Variants in SEMA5A observed in about 807,000 individuals in gnomAD.
SEMA5A encodes the protein semaphorin 5A.
A neutral mutation model predicts 135.5 loss-of-function variants in SEMA5A; 55 were observed. The ratio of observed to expected loss-of-function variants is 0.41; its 90% CI spans 0.33 to 0.51. The LOEUF is 0.51. SEMA5A is among the 20% of genes least tolerant of loss of function. SEMA5A has a pLI of 0.37. For missense variants in SEMA5A, 1,290 were observed against 1,419.9 expected, an observed-to-expected ratio of 0.91 and a Z score of 1.47; for synonymous variants, 580 against 546.5, an observed-to-expected ratio of 1.06 and a Z score of -0.85.
intron 3 of SEMA5A, among the ~76,000 whole-genome samples, chr5:9,345,724 T>A (rs1579382785): frequency 6.6e-6 from 1 of 152,276 alleles, no homozygotes; most frequent in East Asian, 1.9e-4. Context: ...TCTTGCAGAC[T>A]GCACTTAGTG....
rs144932049 is a variant in SEMA5A at position 9,122,766 on chromosome 5, G to T, written c.1671C>A (p.Gly557=). 5.6e-4 allele frequency: 905 copies of T among 1,613,538 alleles called. 2 individuals are homozygous for T. The African/African-American group carries it at 0.011, about 19-fold the overall frequency. The change falls in exon 14 of 23, where the codon GGC becomes GGA. Residue 557 remains glycine, a synonymous_variant. Coordinates refer to ENST00000382496, the MANE Select transcript of SEMA5A (RefSeq NM_003966.3). ...SPWTPCTHTD[G]SAVGSCLCRT... ...GACAGAGGCAGGATCCCACGGCGCTGCCATCTGTGTGCGTGCAAGGCGTCC... is the reference window on the plus strand; with the variant it reads ...GACAGAGGCAGGATCCCACGGCGCTTCCATCTGTGTGCGTGCAAGGCGTCC...
At chr5:9,180,910 A>G (rs1381366150) in intron 11 of SEMA5A, among the ~76,000 whole-genome samples, 1 of 152,226 alleles carries the variant, frequency 6.6e-6, no homozygotes, top group Admixed American at 6.5e-5. Context: ...TGTCTTTTCT[A>G]CAAGTTCATT....
chr5:9,358,363 C>T (rs1180345615), intron 3 of SEMA5A, among the ~76,000 whole-genome samples: 2 of 152,212 alleles, frequency 1.3e-5, no homozygotes, highest in Non-Finnish European at 2.9e-5. Context: ...GCTCCCTTGA[C>T]TTCCCTTTCC....
rs1256023991 is a variant in SEMA5A at position 9,432,404 on chromosome 5, C to T, written c.-78+5352G>A. On this transcript the variant is annotated intron_variant, in intron 2 of 22. Coordinates refer to ENST00000382496, the MANE Select transcript of SEMA5A (RefSeq NM_003966.3). Reference sequence around the variant, plus strand: ...AAATATCACAAAATAAAATTCCTTTCAGGAACGTGGCACCGAAAGAAACAC... The same window carrying T: ...AAATATCACAAAATAAAATTCCTTTTAGGAACGTGGCACCGAAAGAAACAC... Among the ~76,000 whole-genome samples the T allele has an allele frequency of 3.3e-5, 5 of 152,186 alleles. No homozygotes were observed. In the South Asian group the frequency reaches 6.2e-4, roughly 19 times the overall value.
intron 1 of SEMA5A, among the ~76,000 whole-genome samples, chr5:9,483,493 T>C (rs1759958298): frequency 6.6e-6 from 1 of 152,208 alleles, no homozygotes; most frequent in Non-Finnish European, 1.5e-5. Context: ...GAACAAGCTC[T>C]GCATGCATAA....
At chr5:9,392,790 G>C (rs532711439) in intron 2 of SEMA5A, among the ~76,000 whole-genome samples, 3 of 152,282 alleles carry the variant, frequency 2.0e-5, no homozygotes, top group East Asian at 3.9e-4. Flanking sequence ...CAGAAACCAA[G>C]ATAGTCATTT....
At chr5:9,395,437 T>C (rs998944582) in intron 2 of SEMA5A, among the ~76,000 whole-genome samples, 1 of 152,232 alleles carries the variant, frequency 6.6e-6, no homozygotes, top group African/African-American at 2.4e-5. Context: ...AAGTCAATGA[T>C]AGCCATTCCT....
At chr5:9,048,892 T>C (rs1319910964) in intron 21 of SEMA5A, among the ~76,000 whole-genome samples, 6 of 152,206 alleles carry the variant, frequency 3.9e-5, no homozygotes, top group Non-Finnish European at 5.9e-5. Flanking sequence ...TGTTAGCAAC[T>C]GTTAGTTAGT....
chr5:9,252,036 G>A (rs77238374), intron 5 of SEMA5A, among the ~76,000 whole-genome samples: 2,038 of 152,236 alleles, frequency 0.013, 42 homozygotes, highest in African/African-American at 0.046. Context: ...ACCCACGTGC[G>A]ATGGACTCTT....
At chr5:9,352,096 G>GGGGT (rs1554023417) in intron 3 of SEMA5A, among the ~76,000 whole-genome samples, 7 of 148,140 alleles carry the variant, frequency 4.7e-5, no homozygotes, top group East Asian at 3.9e-4. Flanking sequence ...TAACAGGTCG[G>GGGGT]GGGGGTTACT....
intron 1 of SEMA5A, among the ~76,000 whole-genome samples, chr5:9,493,278 G>C (rs977429527): frequency 5.8e-5 from 8 of 139,014 alleles, no homozygotes; most frequent in Non-Finnish European, 9.5e-5. Flanking sequence ...TATGTATGTA[G>C]CAGCATCTAT....
At chr5:9,067,338 G>A (rs1206433790) in intron 16 of SEMA5A, among the ~76,000 whole-genome samples, 1 of 152,046 alleles carries the variant, frequency 6.6e-6, no homozygotes, top group African/African-American at 2.4e-5. Context: ...AATCTGCCTG[G>A]AGCACCTACT....
At chr5:9,421,807 T>C (rs1257505187) in intron 2 of SEMA5A, among the ~76,000 whole-genome samples, 1 of 152,238 alleles carries the variant, frequency 6.6e-6, no homozygotes, top group African/African-American at 2.4e-5. Context: ...GGATTTGCTC[T>C]TATGTGAACT....
At chr5:9,249,158 T>C (rs1748640576) in intron 5 of SEMA5A, among the ~76,000 whole-genome samples, 1 of 152,196 alleles carries the variant, frequency 6.6e-6, no homozygotes, top group Non-Finnish European at 1.5e-5. Context: ...TTTGAGCTGA[T>C]TATTTTGAGA....
chr5:9,505,043 C>A (rs1256672938), intron 1 of SEMA5A, among the ~76,000 whole-genome samples: 1 of 151,812 alleles, frequency 6.6e-6, no homozygotes, highest in Admixed American at 6.6e-5. Flanking sequence ...TTCTCCTGAT[C>A]AAAAATTCCA....
chr5:9,222,395 T>G (rs1403716417), intron 8 of SEMA5A, among the ~76,000 whole-genome samples: 1 of 152,120 alleles, frequency 6.6e-6, no homozygotes, highest in East Asian at 1.9e-4. Flanking sequence ...ACACTTCATA[T>G]GCAATAACTC....
chr5:9,523,672 C>G (rs562261209), intron 1 of SEMA5A, among the ~76,000 whole-genome samples: 3 of 152,290 alleles, frequency 2.0e-5, no homozygotes, highest in Admixed American at 6.5e-5. Context: ...AGGAGGCATA[C>G]AGGCATACAA....
At chr5:9,209,133 G>A (rs867194067) in intron 8 of SEMA5A, among the ~76,000 whole-genome samples, 3 of 152,094 alleles carry the variant, frequency 2.0e-5, no homozygotes, top group African/African-American at 4.8e-5. Context: ...TCTTCACACC[G>A]CCCTACAAGT....
intron 2 of SEMA5A, among the ~76,000 whole-genome samples, chr5:9,403,879 C>T: frequency 6.6e-6 from 1 of 152,142 alleles, no homozygotes; most frequent in East Asian, 1.9e-4. Context: ...GTGTTTACAT[C>T]CAAGTTCTAA....
Sources: gnomAD v4.1 joint callset for allele counts (sites outside exome capture counted in the v4.1 genomes callset) on GRCh38, gnomAD v4.1.1 for gene constraint, MANE v1.5 for transcripts, NCBI Gene and HGNC (gene_info 2026-07-23, HGNC 2026-07-21) for gene names.